Variants in XYLT1 observed in about 807,000 individuals in gnomAD.
XYLT1 encodes xylosyltransferase 1, also known as beta-D-xylosyltransferase 1.
XYLT1 carries 36 observed loss-of-function variants against 91.3 expected under a neutral mutation model. The observed-to-expected ratio is 0.39, with a 90% CI of 0.30 to 0.52. XYLT1 has a LOEUF of 0.52. Ranked by LOEUF, XYLT1 falls within the 20% of genes least tolerant of loss-of-function variation. The pLI is 0.68. For synonymous variants in XYLT1, 588 were observed against 532.0 expected, an observed-to-expected ratio of 1.11 and a Z score of -1.45; for missense variants, 1,242 against 1,284.5, an observed-to-expected ratio of 0.97 and a Z score of 0.51.
intron 2 of XYLT1, among the ~76,000 whole-genome samples, chr16:17,331,321 G>A (rs1158594380): frequency 2.0e-5 from 3 of 152,228 alleles, no homozygotes; most frequent in African/African-American, 7.2e-5. Flanking sequence ...GTCAGAACAA[G>A]GGTGGAGGCC....
At chr16:17,343,734 G>A (rs764051308) in intron 2 of XYLT1, among the ~76,000 whole-genome samples, 36 of 152,308 alleles carry the variant, frequency 2.4e-4, no homozygotes, top group Middle Eastern at 6.8e-3. Flanking sequence ...TTCCCAAAGT[G>A]TTGGCATTAC....
At chr16:17,383,764 T>TTTTTTTTTTTTTTA (rs1400426473) in intron 1 of XYLT1, among the ~76,000 whole-genome samples, 1 of 151,212 alleles carries the variant, frequency 6.6e-6, no homozygotes. Context: ...TTTTTTTTTT[T>TTTTTTTTTTTTTTA]GAGACGGAGT....
intron 2 of XYLT1, among the ~76,000 whole-genome samples, chr16:17,263,247 A>G (rs2033749551): frequency 6.6e-6 from 1 of 152,078 alleles, no homozygotes. Context: ...GCCAAGCAAA[A>G]CCAGACAGAA....
rs544525737 is a variant in XYLT1, at chr16:17,373,510, A to AGCCACACACTTTTAAGCC, written c.364-15478_364-15461dup. ...GTAGTACACGTGTTTCATTCTCTCC[A>AGCCACACACTTTTAAGCC]GCCACACACTTTTAAGCCAGCTGGC... On this transcript the variant is annotated intron_variant, in intron 1 of 11. Coordinates refer to ENST00000261381, the MANE Select transcript of XYLT1 (RefSeq NM_022166.4). Among the ~76,000 whole-genome samples the AGCCACACACTTTTAAGCC allele has an allele frequency of 5.6e-3, 852 of 152,368 alleles. 4 individuals are homozygous for AGCCACACACTTTTAAGCC. Among genetic ancestry groups the AGCCACACACTTTTAAGCC allele is most frequent in the Middle Eastern group, 0.01 (3 of 294 alleles).
chr16:17,445,032 C>T (rs2036575496), intron 1 of XYLT1, among the ~76,000 whole-genome samples: 1 of 152,214 alleles, frequency 6.6e-6, no homozygotes, highest in South Asian at 2.1e-4. Context: ...CAGGGTCTCA[C>T]TCTATCACCC....
intron 1 of XYLT1, among the ~76,000 whole-genome samples, chr16:17,418,276 T>C (rs571957093): frequency 6.6e-6 from 1 of 152,218 alleles, no homozygotes; most frequent in African/African-American, 2.4e-5. Flanking sequence ...GCTTAATAAA[T>C]ATATTATTTA....
At chr16:17,243,645 C>T (rs1462329208) in intron 3 of XYLT1, among the ~76,000 whole-genome samples, 4 of 152,180 alleles carry the variant, frequency 2.6e-5, no homozygotes, top group Non-Finnish European at 5.9e-5. Flanking sequence ...AAACCCAAGC[C>T]GACCGACTCA....
intron 2 of XYLT1, among the ~76,000 whole-genome samples, chr16:17,328,536 A>G (rs2034847052): frequency 7.6e-6 from 1 of 130,914 alleles, no homozygotes; most frequent in Admixed American, 9.6e-5. Flanking sequence ...GTGACTGAGC[A>G]AGACTCCTTC....
At chr16:17,297,817 C>T (rs998559581) in intron 2 of XYLT1, among the ~76,000 whole-genome samples, 3 of 152,006 alleles carry the variant, frequency 2.0e-5, no homozygotes, top group Admixed American at 2.0e-4. Context: ...GTCAGGAGAT[C>T]GAGACCATCC....
At chr16:17,330,886 C>T (rs925460139) in intron 2 of XYLT1, among the ~76,000 whole-genome samples, 1 of 152,094 alleles carries the variant, frequency 6.6e-6, no homozygotes, top group Non-Finnish European at 1.5e-5. Context: ...TATCAGGTGG[C>T]GTTTGAGCAC....
At chr16:17,367,429 CTT>C (rs760115043) in intron 1 of XYLT1, among the ~76,000 whole-genome samples, 21 of 152,194 alleles carry the variant, frequency 1.4e-4, no homozygotes, top group Non-Finnish European at 2.6e-4. Flanking sequence ...CGATAATTAG[CTT>C]TTCCCAGGCA....
At chr16:17,359,394 C>A (rs2035350133) in intron 1 of XYLT1, among the ~76,000 whole-genome samples, 1 of 152,186 alleles carries the variant, frequency 6.6e-6, no homozygotes, top group Admixed American at 6.5e-5. Flanking sequence ...AGGTGAGCTG[C>A]CATTCACTGT....
At position 17,108,795 on chromosome 16, in the gene XYLT1, C is replaced by A. The variant is rs1433037547; in HGVS notation, c.2780G>T (p.Cys927Phe). 2.5e-6 allele frequency: 4 copies of A among 1,611,462 alleles called. No individual in the cohort carries two copies. The African/African-American group carries it at 5.3e-5, about 22-fold the overall frequency. The part of the protein sequence containing the change: ...MDICATGPTA[C>F]PVMQTCSQTA... ...CTGGCTGCAGGTCTGCATGACCGGG[C>A]AGGCTGTGGGGCCCGTGGCACAGAT... The change falls in exon 12 of 12, where the codon TGC becomes TTC. Residue 927 changes from cysteine to phenylalanine, a missense_variant. Physicochemically the swap from Cys to Phe is radical, Grantham distance 205. Transcript: ENST00000261381.
At chr16:17,163,249 G>C (rs149106065) in intron 5 of XYLT1, among the ~76,000 whole-genome samples, 247 of 152,304 alleles carry the variant, frequency 1.6e-3, no homozygotes, top group African/African-American at 5.7e-3. Context: ...TTAGGGACTG[G>C]CTCCCAGAGG....
intron 2 of XYLT1, among the ~76,000 whole-genome samples, chr16:17,262,939 C>T (rs180852508): frequency 2.8e-4 from 42 of 152,256 alleles, no homozygotes; most frequent in African/African-American, 9.6e-4. Context: ...TTTTTTCTCC[C>T]TCCAACAGAC....
chr16:17,378,491 G>T (rs144358696), intron 1 of XYLT1, among the ~76,000 whole-genome samples: 74 of 152,280 alleles, frequency 4.9e-4, no homozygotes, highest in African/African-American at 1.8e-3. Context: ...ATATATGACT[G>T]CATAATTTAA....
chr16:17,215,833 A>G (rs1260359915), intron 3 of XYLT1, among the ~76,000 whole-genome samples: 1 of 152,142 alleles, frequency 6.6e-6, no homozygotes, highest in African/African-American at 2.4e-5. Flanking sequence ...GAGGAAGTGC[A>G]GAAGATGAGG....
At chr16:17,178,299 A>G (rs2031988511) in intron 5 of XYLT1, among the ~76,000 whole-genome samples, 1 of 152,144 alleles carries the variant, frequency 6.6e-6, no homozygotes, top group Non-Finnish European at 1.5e-5. Flanking sequence ...CTGCTGTTTA[A>G]TAAGGGGTTC....
chr16:17,178,739 C>A (rs1259606346), intron 5 of XYLT1, among the ~76,000 whole-genome samples: 2 of 152,108 alleles, frequency 1.3e-5, no homozygotes, highest in Admixed American at 6.6e-5. Context: ...ATATATGTAC[C>A]ACAAAACCTA....
Sources: allele counts gnomAD v4.1 joint callset (sites outside exome capture counted in the v4.1 genomes callset), GRCh38; gene constraint gnomAD v4.1.1; transcripts MANE v1.5; gene names NCBI Gene and HGNC (gene_info 2026-07-23, HGNC 2026-07-21).